CNNM1: variants seen among roughly 807,000 people sequenced by gnomAD.
CNNM1 encodes the protein cyclin and CBS domain divalent metal cation transport mediator 1.
In CNNM1, 44 loss-of-function variants were observed where a neutral mutation model predicts 78.8. That is an observed-to-expected ratio of 0.56 (90% CI 0.44 to 0.72). The LOEUF (loss-of-function observed/expected upper bound fraction) is 0.72. Ranked by LOEUF, CNNM1 falls within the 30% of genes least tolerant of loss-of-function variation. The probability of loss-of-function intolerance (pLI) is 0.00; values close to 1 mark genes in which losing one functional copy is unlikely to be tolerated. For synonymous variants in CNNM1, 584 were observed against 581.5 expected, an observed-to-expected ratio of 1.00 and a Z score of -0.06; for missense variants, 1,101 against 1,292.2, an observed-to-expected ratio of 0.85 and a Z score of 2.27.
At chr10:99,356,568 G>GAAAGAAAGA (rs771808053) in intron 1 of CNNM1, among the ~76,000 whole-genome samples, 1 of 112,670 alleles carries the variant, frequency 8.9e-6, no homozygotes, top group Non-Finnish European at 1.8e-5. Context: ...CAGACAGAAA[G>GAAAGAAAGA]AAAGAAAGAA....
In CNNM1 at chr10:99,330,279, G is replaced by T. The variant is rs759713178; in HGVS notation, c.892G>T (p.Ala298Ser). 3.2e-6 allele frequency: 5 copies of T among 1,565,790 alleles called. No homozygotes were observed. The highest frequency in any genetic ancestry group is 4.3e-6 in the Non-Finnish European group (5 of 1,156,020). ...CCAAGCCGGAGCCAACGCGGCCCTG[G>T]CTGGCTGGCTGTACACCTCGCTGCC... ...LGQAGANAAL[A>S]GWLYTSLPPG... is the part of the protein sequence containing the mutation. Residue 298 changes from alanine (A) to serine (S), a missense_variant, in exon 1 of 11, where the codon GCT (alanine) becomes TCT (serine). Coordinates refer to ENST00000356713, the MANE Select transcript of CNNM1 (RefSeq NM_020348.3).
Position 99,377,143 on chromosome 10 carries a change from G to C in CNNM1, c.2265G>C (p.Gln755His). ...GTGACTTTGGGGGCAGCAACACCCAGCTGTACAGCAGCAGCAACAACCTCT... is the reference window on the plus strand; with the variant it reads ...GTGACTTTGGGGGCAGCAACACCCACCTGTACAGCAGCAGCAACAACCTCT... ...ERSDFGGSNTQLYSSSNNLYM... is the reference protein window; with the variant it reads ...ERSDFGGSNTHLYSSSNNLYM... Residue 755 changes from glutamine to histidine, a missense_variant, in exon 7 of 11, where the codon CAG (glutamine) becomes CAC (histidine). Coordinates refer to ENST00000356713, the MANE Select transcript of CNNM1 (RefSeq NM_020348.3). The C allele has an allele frequency of 6.2e-7, 1 of 1,612,954 alleles. No homozygotes were observed. The highest frequency in any genetic ancestry group is 1.1e-5 in the South Asian group (1 of 90,692).
chr10:99,369,952 G>T (rs2031746584), intron 6 of CNNM1, among the ~76,000 whole-genome samples: 1 of 152,104 alleles, frequency 6.6e-6, no homozygotes, highest in Non-Finnish European at 1.5e-5. Context: ...CAGAGGAAAG[G>T]GGAGATGCAC....
At chr10:99,388,914 A>G (rs2032386139) in intron 9 of CNNM1, among the ~76,000 whole-genome samples, 1 of 152,112 alleles carries the variant, frequency 6.6e-6, no homozygotes, top group African/African-American at 2.4e-5. Context: ...TTCTGCCTTG[A>G]CAGTGGTGTT....
chr10:99,331,096 T>G, intron 1 of CNNM1, 136 bp downstream of exon 1: 1 of 833,126 alleles, frequency 1.2e-6, no homozygotes. Flanking sequence ...ACTCTACCTC[T>G]TGGCTCCCTG....
At chr10:99,374,801 T>G (rs1338752281) in intron 6 of CNNM1, among the ~76,000 whole-genome samples, 1 of 152,254 alleles carries the variant, frequency 6.6e-6, no homozygotes, top group African/African-American at 2.4e-5. Context: ...GGGTGTACAA[T>G]GAGGATAACC....
intron 1 of CNNM1, among the ~76,000 whole-genome samples, chr10:99,343,753 C>T (rs1410047305): frequency 1.3e-5 from 2 of 151,906 alleles, no homozygotes; most frequent in Non-Finnish European, 2.9e-5. Context: ...CTCCCTCTGT[C>T]GCCCAGGCTG....
chr10:99,365,190 T>C, intron 6 of CNNM1, 188 bp downstream of exon 6: 1 of 684,452 alleles, frequency 1.5e-6, no homozygotes, highest in South Asian at 1.5e-5. Context: ...GCTTAGGTTC[T>C]GTGTGTCTGG....
chr10:99,330,248 C>T lies in CNNM1; in HGVS notation c.861C>T (p.Leu287=). The T allele has an allele frequency of 6.5e-7, 1 of 1,546,292 alleles. No homozygotes were observed. Among genetic ancestry groups the T allele is most frequent in the Non-Finnish European group, 8.7e-7 (1 of 1,147,096 alleles). ...GRGTHLLCTL[L]LGQAGANAAL... ...GGACCCATCTGCTCTGCACCCTACTCCTGGGCCAAGCCGGAGCCAACGCGG... is the reference window on the plus strand; with the variant it reads ...GGACCCATCTGCTCTGCACCCTACTTCTGGGCCAAGCCGGAGCCAACGCGG... Residue 287 remains leucine (L), a synonymous_variant, in exon 1 of 11, where the codon CTC becomes CTT. Coordinates refer to ENST00000356713, the MANE Select transcript of CNNM1 (RefSeq NM_020348.3).
chr10:99,357,783 C>A, intron 2 of CNNM1, 128 bp downstream of exon 2: 4 of 816,514 alleles, frequency 4.9e-6, no homozygotes, highest in East Asian at 6.0e-5. Flanking sequence ...TGTCAGCCAC[C>A]TATGCCAGGT....
chr10:99,329,424 G>A lies in CNNM1; in HGVS notation c.37G>A (p.Val13Ile), dbSNP rs763491696. 2.8e-6 allele frequency: 3 copies of A among 1,070,006 alleles called. No homozygotes were observed. The highest frequency in any genetic ancestry group is 3.9e-6 in the Non-Finnish European group (3 of 765,202). 66.3% of individuals were successfully genotyped at this position (1,070,006 alleles called of 1,614,324 possible). A position where few individuals can be genotyped will look rare whatever the true frequency, so the allele number is the denominator to read the frequency against. The change falls in exon 1 of 11, where the codon GTC becomes ATC. Residue 13 changes from valine to isoleucine, a missense_variant. Val to Ile is a conservative substitution (Grantham distance 29). This residue lies in a region of CNNM1 where 476 missense variants were observed against 484.5 expected (regional missense o/e 0.98). Coordinates refer to ENST00000356713, the MANE Select transcript of CNNM1 (RefSeq NM_020348.3). ...AAAAAAAAVG[V>I]RLRDCCSRGA... ...CGCGGCGGCGGCAGCAGCGGTGGGT[G>A]TCAGGCTCCGGGACTGCTGCAGCCG...
At chr10:99,352,667 G>A (rs762913049) in intron 1 of CNNM1, among the ~76,000 whole-genome samples, 2 of 152,088 alleles carry the variant, frequency 1.3e-5, no homozygotes, top group Non-Finnish European at 2.9e-5. Flanking sequence ...ATCTTCTTTG[G>A]AGAAATATCT....
chr10:99,353,960 CTT>C (rs1261027652), intron 1 of CNNM1, among the ~76,000 whole-genome samples: 2 of 152,052 alleles, frequency 1.3e-5, no homozygotes, highest in Non-Finnish European at 2.9e-5. Flanking sequence ...TTATAGTACT[CTT>C]TGTAAAATAT....
intron 7 of CNNM1, 23 bp downstream of exon 7, chr10:99,377,241 C>T: frequency 6.2e-7 from 1 of 1,609,900 alleles, no homozygotes. Flanking sequence ...GGAAGGTTAT[C>T]CTCTCCCTCC....
chr10:99,341,293 G>T (rs1443423898), intron 1 of CNNM1, among the ~76,000 whole-genome samples: 1 of 152,050 alleles, frequency 6.6e-6, no homozygotes, highest in Non-Finnish European at 1.5e-5. Flanking sequence ...AGGAGGGAAA[G>T]TGCCACCTCT....
At position 99,364,452 on chromosome 10, in the gene CNNM1, T is replaced by A; in HGVS notation, c.2064T>A (p.Leu688=). 1 of 1,612,748 alleles carries A rather than the reference T, an allele frequency of 6.2e-7. No homozygotes were observed. Among genetic ancestry groups the A allele is most frequent in the Non-Finnish European group, 8.5e-7 (1 of 1,179,466 alleles). Residue 688 remains leucine, a synonymous_variant, in exon 5 of 11, where the codon CTT becomes CTA. Transcript: ENST00000356713. The part of the protein sequence containing the change: ...KVEVEVGKEG[L]RFENGAFTYY... ...AGGTGGAGGTTGGTAAGGAAGGCCT[T>A]CGCTTTGAAAATGGAGCCTTTACTT...
rs747819215 is a variant in CNNM1 at position 99,362,400 on chromosome 10, A to G, written c.2028+4A>G. The G allele has an allele frequency of 1.2e-6, 2 of 1,606,950 alleles. No individual in the cohort carries two copies. Among genetic ancestry groups the G allele is most frequent in the Non-Finnish European group, 8.5e-7 (1 of 1,176,914 alleles). ...CTACTTTGTGCTGCTTCTACAGGTG[A>G]GTAGGAAAGTCAGGGAACCTCTGAG... On this transcript the variant is annotated splice_donor_region_variant and intron_variant, in intron 4 of 10. Transcript: ENST00000356713.
At chr10:99,384,912 CA>C (rs1223116013) in intron 7 of CNNM1, among the ~76,000 whole-genome samples, 1 of 151,836 alleles carries the variant, frequency 6.6e-6, no homozygotes, top group Non-Finnish European at 1.5e-5. Context: ...ATTAAAAATA[CA>C]AAAAAATAAG....
chr10:99,348,048 A>AT (rs527803469), intron 1 of CNNM1, among the ~76,000 whole-genome samples: 19,112 of 132,620 alleles, frequency 0.14, 1,657 homozygotes, highest in African/African-American at 0.34. Context: ...GTATATATAT[A>AT]TATTTTTTTT....
Sources: allele counts gnomAD v4.1 joint callset (sites outside exome capture counted in the v4.1 genomes callset), GRCh38; gene constraint gnomAD v4.1.1; regional missense constraint gnomAD v4.1.1; transcripts MANE v1.5; gene names NCBI Gene and HGNC (gene_info 2026-07-23, HGNC 2026-07-21).